DPP6: variants seen among roughly 807,000 people sequenced by gnomAD.
DPP6 encodes dipeptidyl peptidase like 6.
DPP6 carries 69 observed loss-of-function variants against 122.6 expected under a neutral mutation model. That is an observed-to-expected ratio of 0.56 (90% CI 0.46 to 0.69). The LOEUF (loss-of-function observed/expected upper bound fraction) is 0.69. Ranked by LOEUF, DPP6 falls within the 30% of genes least tolerant of loss-of-function variation. The pLI, the probability that DPP6 is intolerant of heterozygous loss-of-function variation, is 0.00. For synonymous variants in DPP6, 418 were observed against 433.1 expected (o/e 0.97, Z 0.43); for missense variants, 928 against 1,116.9 (o/e 0.83, Z 2.41).
intron 1 of DPP6, among the ~76,000 whole-genome samples, chr7:154,071,123 A>G (rs565147485): frequency 6.6e-6 from 1 of 152,274 alleles, no homozygotes; most frequent in East Asian, 1.9e-4. Context: ...AAACGTCTCA[A>G]TCAGGGTTTG....
intron 6 of DPP6, among the ~76,000 whole-genome samples, chr7:154,639,463 G>A (rs1462864852): frequency 6.6e-6 from 1 of 152,158 alleles, no homozygotes; most frequent in Non-Finnish European, 1.5e-5. Flanking sequence ...TGCCCCTTCT[G>A]GGAACAATAG....
chr7:154,844,303 C>T (rs1357444385), intron 16 of DPP6, among the ~76,000 whole-genome samples: 2 of 152,192 alleles, frequency 1.3e-5, no homozygotes, highest in African/African-American at 4.8e-5. Flanking sequence ...AAAGTATTCT[C>T]TGTTGTTTCA....
chr7:154,334,888 T>C (rs1212709675), intron 1 of DPP6, among the ~76,000 whole-genome samples: 2 of 151,966 alleles, frequency 1.3e-5, no homozygotes, highest in Non-Finnish European at 1.5e-5. Context: ...AGAGGAAGAC[T>C]CTGTCTCAAA....
the DPP6 span, among the ~76,000 whole-genome samples, chr7:153,791,233 T>G: frequency 6.6e-6 from 1 of 152,152 alleles, no homozygotes; most frequent in Non-Finnish European, 1.5e-5. Context: ...ATCATGTTAT[T>G]AGTGTTCCAC....
At chr7:154,189,872 A>T (rs1399130012) in intron 1 of DPP6, among the ~76,000 whole-genome samples, 1 of 152,214 alleles carries the variant, frequency 6.6e-6, no homozygotes, top group Non-Finnish European at 1.5e-5. Context: ...TCAAAGCTTT[A>T]TGATTCAAAT....
intron 1 of DPP6, among the ~76,000 whole-genome samples, chr7:153,939,734 A>G (rs192102398): frequency 4.0e-3 from 611 of 152,358 alleles, no homozygotes; most frequent in African/African-American, 9.5e-3. Flanking sequence ...AAAGACAGCT[A>G]TGAAAGCAAA....
intron 1 of DPP6, among the ~76,000 whole-genome samples, chr7:154,060,352 C>G (rs1333064872): frequency 8.5e-6 from 1 of 117,618 alleles, no homozygotes; most frequent in Non-Finnish European, 1.8e-5. Context: ...CCCCGCGAGG[C>G]AGGGACTGAG....
chr7:153,790,483 T>G, the DPP6 span, among the ~76,000 whole-genome samples: 2 of 152,186 alleles, frequency 1.3e-5, no homozygotes, highest in African/African-American at 4.8e-5. Context: ...TTCCTGTGGC[T>G]CCATTAGTTT....
intron 1 of DPP6, among the ~76,000 whole-genome samples, chr7:154,302,362 C>G (rs1274971929): frequency 1.3e-5 from 2 of 152,194 alleles, no homozygotes; most frequent in African/African-American, 4.8e-5. Flanking sequence ...CAGGATATCT[C>G]GCTCTTTTGT....
At chr7:153,853,325 T>A in the DPP6 span, among the ~76,000 whole-genome samples, 2 of 152,192 alleles carry the variant, frequency 1.3e-5, no homozygotes, top group Non-Finnish European at 2.9e-5. Context: ...GTAATGTCTG[T>A]TCTACCAAGA....
chr7:154,024,570 G>A (rs1022440248), intron 1 of DPP6, among the ~76,000 whole-genome samples: 1 of 152,120 alleles, frequency 6.6e-6, no homozygotes, highest in Non-Finnish European at 1.5e-5. Context: ...GTATCAGGGA[G>A]CACGTTGAAT....
In DPP6 at chr7:154,772,548, C is replaced by T. The variant is rs142003335; in HGVS notation, c.1039-297C>T. On this transcript the variant is annotated intron_variant, in intron 9 of 25. Coordinates refer to ENST00000377770, the MANE Select transcript of DPP6 (RefSeq NM_130797.4). ...ATCTTTTCTCCCCCACTCCTCTTCTCGTCTTCTCTTTTAAGCAAGGGGCTC... is the reference window on the plus strand; with the variant it reads ...ATCTTTTCTCCCCCACTCCTCTTCTTGTCTTCTCTTTTAAGCAAGGGGCTC... Among the ~76,000 whole-genome samples the T allele has an allele frequency of 3.5e-3, 538 of 152,266 alleles. 14 individuals are homozygous for T. The highest frequency in any genetic ancestry group is 3.4e-3 in the Middle Eastern group (1 of 294).
At chr7:153,989,804 T>A (rs1797063048) in intron 1 of DPP6, among the ~76,000 whole-genome samples, 1 of 152,020 alleles carries the variant, frequency 6.6e-6, no homozygotes, top group South Asian at 2.1e-4. Context: ...TGGACCACTG[T>A]TTTAGGCCAG....
chr7:154,795,730 A>C, intron 11 of DPP6, 115 bp from the exon 12 acceptor site: 5 of 1,447,242 alleles, frequency 3.5e-6, no homozygotes, highest in Non-Finnish European at 3.7e-6. Context: ...TGCAGCGGCC[A>C]TGTAGGTGAA....
chr7:154,080,917 G>T (rs1321926698), intron 1 of DPP6, among the ~76,000 whole-genome samples: 1 of 152,104 alleles, frequency 6.6e-6, no homozygotes, highest in Non-Finnish European at 1.5e-5. Flanking sequence ...GGTGTGCCTG[G>T]ATGCTGAGAA....
chr7:154,765,782 T>C (rs1349631090), intron 8 of DPP6, among the ~76,000 whole-genome samples: 2 of 152,220 alleles, frequency 1.3e-5, no homozygotes, highest in African/African-American at 4.8e-5. Context: ...ATGTATTCTC[T>C]AGTTTTCCCA....
At chr7:154,582,712 A>T (rs1307391976) in intron 5 of DPP6, among the ~76,000 whole-genome samples, 1 of 152,082 alleles carries the variant, frequency 6.6e-6, no homozygotes, top group Non-Finnish European at 1.5e-5. Context: ...CTCTCTCTCA[A>T]CCCATACCCA....
At chr7:153,976,545 T>C (rs1796313430) in intron 1 of DPP6, among the ~76,000 whole-genome samples, 1 of 152,190 alleles carries the variant, frequency 6.6e-6, no homozygotes, top group South Asian at 2.1e-4. Flanking sequence ...GAAAAATGTA[T>C]TTTGCCAAAA....
rs1043350004 is a variant in DPP6, at chr7:154,483,440, G to A, written c.457+8403G>A. 2.8e-4 allele frequency among the ~76,000 whole-genome samples: 42 copies of A among 151,436 alleles called. No homozygotes were observed. Among genetic ancestry groups the A allele is most frequent in the Admixed American group, 7.2e-4 (11 of 15,240 alleles). On this transcript the variant is annotated intron_variant, in intron 3 of 25. Coordinates refer to ENST00000377770, the MANE Select transcript of DPP6 (RefSeq NM_130797.4). The surrounding 1 kb of genome is among the most constrained non-coding windows in gnomAD (Gnocchi z 8.1). ...TGAGCAAACAGTGATTCATGAATTG[G>A]GCAGCTCCAAACCAGAAGTGGTTCT...
Sources: allele counts gnomAD v4.1 joint callset (sites outside exome capture counted in the v4.1 genomes callset), GRCh38; gene constraint gnomAD v4.1.1; non-coding constraint Gnocchi (gnomAD v3.1); transcripts MANE v1.5; gene names NCBI Gene and HGNC (gene_info 2026-07-23, HGNC 2026-07-21).